Variants in FLNB observed in about 807,000 individuals in gnomAD.
The protein encoded by FLNB is filamin-B.
Under a neutral mutation model 250.6 loss-of-function variants are expected in FLNB, and 111 were observed. The ratio of observed to expected loss-of-function variants is 0.44; its 90% CI spans 0.38 to 0.52. The LOEUF (loss-of-function observed/expected upper bound fraction) is 0.52. Ranked by LOEUF, FLNB falls within the 20% of genes least tolerant of loss-of-function variation. FLNB has a pLI of 0.00. For missense variants in FLNB, 2,869 were observed against 3,447.8 expected, an observed-to-expected ratio of 0.83 and a Z score of 4.20; for synonymous variants, 1,302 against 1,372.1, an observed-to-expected ratio of 0.95 and a Z score of 1.13.
At chr3:58,108,415 G>A in intron 12 of FLNB, 43 bp from the exon 13 acceptor site, 4 of 1,262,268 alleles carry the variant, frequency 3.2e-6, no homozygotes, top group Non-Finnish European at 4.6e-6. Flanking sequence ...GGTTTAGTTG[G>A]GGCATTACAC....
At chr3:58,044,322 G>A (rs2097150395) in intron 1 of FLNB, among the ~76,000 whole-genome samples, 2 of 152,274 alleles carry the variant, frequency 1.3e-5, no homozygotes, top group African/African-American at 4.8e-5. Context: ...TATTAGGCCA[G>A]GTGCCGTGTC....
chr3:58,098,392 G>A (rs760941294), intron 7 of FLNB, among the ~76,000 whole-genome samples: 5 of 152,204 alleles, frequency 3.3e-5, no homozygotes, highest in Admixed American at 1.3e-4. Context: ...GTGCAGTGGC[G>A]TGATCTTGGC....
chr3:58,167,499 C>G (rs1467803588), intron 43 of FLNB, among the ~76,000 whole-genome samples: 1 of 152,258 alleles, frequency 6.6e-6, no homozygotes, highest in Non-Finnish European at 1.5e-5. Context: ...CTGGCAGAAG[C>G]ATAGCCCTGC....
At chr3:58,011,283 T>G (rs534287972) in intron 1 of FLNB, among the ~76,000 whole-genome samples, 1 of 152,290 alleles carries the variant, frequency 6.6e-6, no homozygotes, top group Admixed American at 6.5e-5. Context: ...CAGGGTTAGT[T>G]AGCTTCCCTT....
chr3:58,040,250 C>G (rs2097144128), intron 1 of FLNB, among the ~76,000 whole-genome samples: 1 of 152,226 alleles, frequency 6.6e-6, no homozygotes. Flanking sequence ...GCAATACACC[C>G]TGACCCAGCG....
chr3:58,143,532 G>A lies in FLNB; in HGVS notation c.5344G>A (p.Gly1782Ser), dbSNP rs755230369. 1.2e-6 allele frequency: 2 copies of A among 1,614,126 alleles called. No individual in the cohort carries two copies. The highest frequency in any genetic ancestry group is 1.7e-6 in the Non-Finnish European group (2 of 1,179,982). ...ACCTGAGATTGTGGACAACAAGGAC[G>A]GCACGGTCACTGTTAGATATGCCCC... The part of the protein sequence containing the change: ...ATPEIVDNKD[G>S]TVTVRYAPTE... The change falls in exon 32 of 46, where the codon GGC (glycine) becomes AGC (serine). Residue 1782 changes from glycine (G) to serine (S), a missense_variant. Around this residue, in one of 5 missense-constraint regions of FLNB, gnomAD observed 1,084 missense variants for 1,315.5 expected, o/e 0.82. Coordinates refer to ENST00000295956, the MANE Select transcript of FLNB (RefSeq NM_001457.4).
At chr3:58,024,700 C>A (rs1003104837) in intron 1 of FLNB, among the ~76,000 whole-genome samples, 1 of 96,252 alleles carries the variant, frequency 1.0e-5, no homozygotes. Context: ...GGCCAAGCCT[C>A]CTTTTTTTTT....
At chr3:58,129,247 A>C (rs2107197561) in intron 24 of FLNB, among the ~76,000 whole-genome samples, 1 of 152,206 alleles carries the variant, frequency 6.6e-6, no homozygotes, top group Non-Finnish European at 1.5e-5. Flanking sequence ...CACTGGATTG[A>C]CTGGGGTTCA....
At chr3:58,028,186 G>C (rs1270939272) in intron 1 of FLNB, among the ~76,000 whole-genome samples, 8 of 152,138 alleles carry the variant, frequency 5.3e-5, no homozygotes. Context: ...ATGTGCCAGG[G>C]GTGTAGAGGG....
intron 4 of FLNB, among the ~76,000 whole-genome samples, 198 bp downstream of exon 4, chr3:58,081,974 G>A (rs1272160342): frequency 1.3e-5 from 2 of 152,186 alleles, no homozygotes; most frequent in Non-Finnish European, 2.9e-5. Flanking sequence ...AAATGTTTCT[G>A]CTTAGATGGA....
intron 1 of FLNB, among the ~76,000 whole-genome samples, chr3:58,062,177 C>A (rs2097179691): frequency 6.6e-6 from 1 of 152,208 alleles, no homozygotes; most frequent in African/African-American, 2.4e-5. Context: ...TCTTAGTTTT[C>A]TTCCTAGAAG....
At chr3:58,146,679 C>T (rs544171539) in intron 33 of FLNB, 141 bp from the exon 34 acceptor site, 17 of 815,788 alleles carry the variant, frequency 2.1e-5, no homozygotes, top group Admixed American at 1.6e-4. Flanking sequence ...TGACAGATGT[C>T]CCTTTGCCCA....
At position 58,132,805 on chromosome 3, in the gene FLNB, C is replaced by G. The variant is rs2097309658; in HGVS notation, c.4391-3C>G. On this transcript the variant is annotated splice_polypyrimidine_tract_variant and splice_region_variant and intron_variant, in intron 25 of 45. Transcript: ENST00000295956. ...TCCTTAAACCTCTCATCTCTGTCCT[C>G]AGGCTTGGTGGAGCCAGTGAACGTG... 2 of 1,614,022 alleles carry G rather than the reference C, an allele frequency of 1.2e-6. No homozygotes were observed. The highest frequency in any genetic ancestry group is 2.2e-5 in the South Asian group (2 of 91,074).
rs771523275 is a variant in FLNB, at chr3:58,142,731, G to A, written c.5263G>A (p.Val1755Ile). Residue 1755 changes from valine to isoleucine, a missense_variant, in exon 31 of 46, where the codon GTC becomes ATC. This residue lies in a region of FLNB where 1,084 missense variants were observed against 1,315.5 expected (regional missense o/e 0.82). Coordinates refer to ENST00000295956, the MANE Select transcript of FLNB (RefSeq NM_001457.4). This position sits in a 1 kb window ranked among gnomAD's most constrained non-coding sequence, Gnocchi z 4.3. ...TTTTGACCTGGTCATTCCGTTTGCT[G>A]TCAGGAAAGGAGAAATCACTGGTAA... ...KPFDLVIPFA[V>I]RKGEITGEVH... 6 of 1,614,182 alleles carry A rather than the reference G, an allele frequency of 3.7e-6. No homozygotes were observed. The highest frequency in any genetic ancestry group is 4.5e-5 in the East Asian group (2 of 44,880).
At chr3:58,025,241 C>T (rs2097121944) in intron 1 of FLNB, among the ~76,000 whole-genome samples, 1 of 150,034 alleles carries the variant, frequency 6.7e-6, no homozygotes. Context: ...GTGATCCTCA[C>T]ATCTCAGCCT....
chr3:58,016,856 A>G (rs900427594), intron 1 of FLNB, among the ~76,000 whole-genome samples: 2 of 152,192 alleles, frequency 1.3e-5, no homozygotes, highest in African/African-American at 4.8e-5. Flanking sequence ...AAATGGGGCT[A>G]TTTCCTGCTT....
chr3:58,117,973 G>C (rs2097281714), intron 18 of FLNB, among the ~76,000 whole-genome samples: 1 of 152,138 alleles, frequency 6.6e-6, no homozygotes, highest in South Asian at 2.1e-4. Flanking sequence ...ACACTTTCCT[G>C]TTACATTATG....
chr3:58,054,470 G>T (rs1286795253), intron 1 of FLNB, among the ~76,000 whole-genome samples: 13 of 152,260 alleles, frequency 8.5e-5, no homozygotes, highest in Non-Finnish European at 1.8e-4. Flanking sequence ...AAGGAAAGAG[G>T]TTTAATTGAT....
In FLNB at chr3:58,142,781, T is replaced by C. The variant is rs781773505; in HGVS notation, c.5284+29T>C. On this transcript the variant is annotated intron_variant, in intron 31 of 45. Transcript: ENST00000295956. This position sits in a 1 kb window ranked among gnomAD's most constrained non-coding sequence, Gnocchi z 4.3. ...AGCACTTGCCATAAAGGCCGTCTCA[T>C]TCTCACTTGCTCTCACGAGCTTCCC... The C allele has an allele frequency of 5.7e-6, 9 of 1,581,766 alleles. No homozygotes were observed. The East Asian group carries it at 2.0e-4, about 35-fold the overall frequency.
Sources: allele counts gnomAD v4.1 joint callset (sites outside exome capture counted in the v4.1 genomes callset), GRCh38; gene constraint gnomAD v4.1.1; regional missense constraint gnomAD v4.1.1; non-coding constraint Gnocchi (gnomAD v3.1); transcripts MANE v1.5; gene names NCBI Gene and HGNC (gene_info 2026-07-23, HGNC 2026-07-21).